The following STPG1 variants were observed in gnomAD, a reference collection of about 807,000 sequenced individuals.
STPG1 encodes O(6)-methylguanine-induced apoptosis 2.
A neutral mutation model predicts 40.1 loss-of-function variants in STPG1; 33 were observed. The ratio of observed to expected loss-of-function variants is 0.82; its 90% confidence interval spans 0.62 to 1.10. STPG1 has a LOEUF of 1.10. Ranked by LOEUF, STPG1 falls within the 50% of genes least tolerant of loss-of-function variation. The pLI is 0.00. For synonymous variants in STPG1, 150 were observed against 155.0 expected (o/e 0.97, Z 0.24); for missense variants, 396 against 415.1 (o/e 0.95, Z 0.40).
chr1:24,392,058 G>T, intron 2 of STPG1: 1 of 1,000,918 alleles, frequency 1.0e-6, no homozygotes. Context: ...CGTCCTCACT[G>T]CTCCTTGGCC....
chr1:24,378,075 T>G (rs1422069912), intron 5 of STPG1, among the ~76,000 whole-genome samples: 2 of 152,296 alleles, frequency 1.3e-5, no homozygotes, highest in Middle Eastern at 3.4e-3. Context: ...TGCCTGGAGT[T>G]GGACTGCCCA....
chr1:24,380,376 C>T (rs1293274269), intron 4 of STPG1, among the ~76,000 whole-genome samples: 2 of 152,290 alleles, frequency 1.3e-5, no homozygotes, highest in East Asian at 3.9e-4. Context: ...CAATCCCACC[C>T]TTTCAGGAAG....
At position 24,401,384 on chromosome 1, in the gene STPG1, T is replaced by C; in HGVS notation, c.5A>G (p.Asp2Gly). The part of the protein sequence containing the change: M[D>G]NSAQKNERTG... ...GCGTTCATTTTTCTGTGCAGAGTTG[T>C]CCATGTTAGCAAAATTCTGTGACGT... is the stretch of plus-strand genomic sequence containing the variant. The change falls in exon 2 of 9, where the codon GAC becomes GGC. Residue 2 changes from aspartate (D) to glycine (G), a missense_variant. By Grantham distance (94) the Asp-to-Gly change is moderately conservative (BLOSUM62 -1). Transcript: ENST00000337248. The C allele has an allele frequency of 6.2e-7, 1 of 1,613,936 alleles. No homozygotes were observed. Among genetic ancestry groups the C allele is most frequent in the South Asian group, 1.1e-5 (1 of 91,028 alleles).
chr1:24,360,705 G>A (rs1402576775), intron 8 of STPG1, 146 bp downstream of exon 8: 1 of 714,718 alleles, frequency 1.4e-6, no homozygotes, highest in Non-Finnish European at 2.2e-6. Context: ...CTGTGAAAAT[G>A]TGAACTGATA....
chr1:24,385,421 C>G (rs1642463445), intron 3 of STPG1, among the ~76,000 whole-genome samples: 1 of 152,148 alleles, frequency 6.6e-6, no homozygotes, highest in Admixed American at 6.5e-5. Context: ...GGTACTCCAG[C>G]ACCCCAGGCC....
chr1:24,379,668 T>C lies in STPG1; in HGVS notation c.447A>G (p.Ala149=), dbSNP rs1642192231. 6.2e-7 allele frequency: 1 copy of C among 1,614,080 alleles called. No homozygotes were observed. The highest frequency in any genetic ancestry group is 8.5e-7 in the Non-Finnish European group (1 of 1,180,012). ...GAGTTCTTACATTGTAATAGTTTGG[T>C]GCAGGAGTTTCAAACTTGAGAGCTT... ...FMKALKFETP[A]PNYYNASVSC... is the part of the protein sequence containing the mutation. The change falls in exon 5 of 9, where the codon GCA becomes GCG. Residue 149 remains alanine, a synonymous_variant. Transcript: ENST00000337248.
chr1:24,395,603 T>G (rs1642965959), intron 2 of STPG1, among the ~76,000 whole-genome samples: 2 of 151,984 alleles, frequency 1.3e-5, no homozygotes, highest in Non-Finnish European at 2.9e-5. Context: ...CGGCTAATTT[T>G]TTGTATTTTT....
chr1:24,389,724 G>A (rs930340294), intron 3 of STPG1, among the ~76,000 whole-genome samples: 3 of 152,218 alleles, frequency 2.0e-5, no homozygotes, highest in African/African-American at 7.2e-5. Flanking sequence ...CCTGGAGAGG[G>A]ACAATATATT....
At chr1:24,364,468 A>G in intron 7 of STPG1, 1 of 1,401,586 alleles carries the variant, frequency 7.1e-7, no homozygotes, top group Non-Finnish European at 9.3e-7. Context: ...TCTGGCTATT[A>G]CTTTGCATTT....
At position 24,382,917 on chromosome 1, in the gene STPG1, C is replaced by CTTTTTTTTTTT. The variant is rs56972835; in HGVS notation, c.291+974_291+984dup. On this transcript the variant is annotated intron_variant, in intron 4 of 8. Transcript: ENST00000337248. ...AGAGTCTGGGCTTGCTTTCTTTTCA[C>CTTTTTTTTTTT]TTTTTTTTTTTTTGGACAGAGTCTG... 1.6e-3 allele frequency among the ~76,000 whole-genome samples: 211 copies of CTTTTTTTTTTT among 133,460 alleles called. 12 individuals carry two copies. Among genetic ancestry groups the CTTTTTTTTTTT allele is most frequent in the African/African-American group, 5.8e-3 (198 of 34,250 alleles). 87.6% of individuals were successfully genotyped at this position (133,460 alleles called of 152,430 possible).
intron 7 of STPG1, among the ~76,000 whole-genome samples, chr1:24,366,304 G>C (rs1221805236): frequency 6.6e-6 from 1 of 152,162 alleles, no homozygotes; most frequent in Admixed American, 6.5e-5. Flanking sequence ...CCTAAGGGAA[G>C]GTGCATGCAG....
intron 2 of STPG1, among the ~76,000 whole-genome samples, chr1:24,398,026 G>A (rs1047369700): frequency 6.6e-6 from 1 of 151,972 alleles, no homozygotes; most frequent in Admixed American, 6.6e-5. Flanking sequence ...TTTCATAGTC[G>A]TTGTACTTTT....
intron 2 of STPG1, chr1:24,392,132 G>A: frequency 2.1e-6 from 2 of 973,800 alleles, no homozygotes; most frequent in Non-Finnish European, 2.4e-6. Context: ...CCAGCCTGGG[G>A]CTGGCTCTCA....
At chr1:24,373,529 G>A (rs1384861911) in intron 6 of STPG1, among the ~76,000 whole-genome samples, 173 bp downstream of exon 6, 2 of 152,158 alleles carry the variant, frequency 1.3e-5, no homozygotes, top group Admixed American at 6.5e-5. Context: ...CCTCCTGGTG[G>A]GGATTGCTGG....
In STPG1 at chr1:24,358,413, A is replaced by T. The variant is rs1305036799; in HGVS notation, c.*130T>A. Reference sequence around the variant, plus strand: ...AGCAGTCCGGCTAGGATGCCAGGCCAGAGTGGTAGAGCCACCCCCCAAGTT... The same window carrying T: ...AGCAGTCCGGCTAGGATGCCAGGCCTGAGTGGTAGAGCCACCCCCCAAGTT... On this transcript the variant is annotated 3_prime_UTR_variant, in exon 9 of 9. Coordinates refer to ENST00000337248, the MANE Select transcript of STPG1 (RefSeq NM_001199013.2). 7.5e-6 allele frequency: 6 copies of T among 804,740 alleles called. No individual in the cohort carries two copies. The highest frequency in any genetic ancestry group is 1.3e-5 in the Non-Finnish European group (6 of 449,582). 49.8% of individuals were successfully genotyped at this position (804,740 alleles called of 1,614,324 possible). A position where few individuals can be genotyped will look rare whatever the true frequency, so the allele number is the denominator to read the frequency against.
At chr1:24,405,200 T>G (rs6687210) in intron 1 of STPG1, among the ~76,000 whole-genome samples, 16,848 of 152,188 alleles carry the variant, frequency 0.11, 971 homozygotes, top group African/African-American at 0.13. Context: ...TCAAGTAATC[T>G]GCCCACCTTG....
intron 8 of STPG1, among the ~76,000 whole-genome samples, chr1:24,360,380 C>T (rs751315960): frequency 7.2e-5 from 11 of 152,136 alleles, no homozygotes; most frequent in Middle Eastern, 3.4e-3. Context: ...ACCTGGGAGG[C>T]GGAAGTTGTG....
chr1:24,387,892 A>G (rs1642584382), intron 3 of STPG1, among the ~76,000 whole-genome samples: 1 of 152,156 alleles, frequency 6.6e-6, no homozygotes. Context: ...CTGCAAACTG[A>G]ACCTCTTTCA....
intron 7 of STPG1, among the ~76,000 whole-genome samples, chr1:24,362,745 G>A: frequency 6.6e-6 from 1 of 152,198 alleles, no homozygotes; most frequent in East Asian, 1.9e-4. Flanking sequence ...CACCCCCCTG[G>A]TCAGAGAGGA....
Sources: gnomAD v4.1 joint callset for allele counts (sites outside exome capture counted in the v4.1 genomes callset) on GRCh38, gnomAD v4.1.1 for gene constraint, MANE v1.5 for transcripts, NCBI Gene and HGNC (gene_info 2026-07-23, HGNC 2026-07-21) for gene names.